The following ELOVL2 variants were observed in gnomAD, a reference collection of about 807,000 sequenced individuals.
ELOVL2 encodes the protein ELOVL fatty acid elongase 2, also known as very long chain fatty acid elongase 2.
In ELOVL2, 38 loss-of-function variants were observed where a neutral mutation model predicts 37.7. The ratio of observed to expected loss-of-function variants is 1.01; its 90% CI spans 0.78 to 1.32. The LOEUF is 1.32. ELOVL2 is among the 40% of genes most tolerant of loss of function. ELOVL2 has a pLI of 0.00. For missense variants in ELOVL2, 352 were observed against 363.6 expected (o/e 0.97, Z 0.26); for synonymous variants, 115 against 122.3 (o/e 0.94, Z 0.40).
intron 1 of ELOVL2, among the ~76,000 whole-genome samples, chr6:11,025,928 T>C (rs958712): frequency 0.21 from 32,124 of 152,140 alleles, 4,578 homozygotes; most frequent in East Asian, 0.63. Context: ...CTGTAAAAGA[T>C]TTATAGTCTT....
chr6:10,997,799 A>G (rs1302598330), intron 4 of ELOVL2, among the ~76,000 whole-genome samples: 1 of 152,192 alleles, frequency 6.6e-6, no homozygotes, highest in Non-Finnish European at 1.5e-5. Flanking sequence ...CTGATACTCA[A>G]ACTGAACAGT....
At chr6:11,026,704 A>G (rs1388804741) in intron 1 of ELOVL2, among the ~76,000 whole-genome samples, 2 of 152,184 alleles carry the variant, frequency 1.3e-5, no homozygotes, top group African/African-American at 4.8e-5. Context: ...ACCTCGTACT[A>G]AAAGGCCTCT....
At chr6:10,990,263 T>G in intron 6 of ELOVL2, 55 bp downstream of exon 6, 1 of 1,581,438 alleles carries the variant, frequency 6.3e-7, no homozygotes, top group Admixed American at 2.0e-5. Flanking sequence ...GATTTCTATT[T>G]CCTTTCCCCA....
rs1179096769 is a variant in ELOVL2 at position 10,982,606 on chromosome 6, T to A, written c.*1175A>T. The stretch of plus-strand genomic sequence containing the variant: ...TTAATACTTTTGTCTACTTTTGTGC[T>A]TGCTTCTCGGTAGAGATCGCATATA... On this transcript the variant is annotated 3_prime_UTR_variant, in exon 8 of 8. Transcript: ENST00000354666. 6.6e-6 allele frequency: 1 copy of A among 152,228 alleles called. No homozygotes were observed. The highest frequency in any genetic ancestry group is 1.5e-5 in the Non-Finnish European group (1 of 68,048). 9.4% of individuals were successfully genotyped at this position (152,228 alleles called of 1,614,324 possible). A position where few individuals can be genotyped will look rare whatever the true frequency, so the allele number is the denominator to read the frequency against.
chr6:11,002,290 T>C (rs890848371), intron 3 of ELOVL2, among the ~76,000 whole-genome samples: 2 of 152,220 alleles, frequency 1.3e-5, no homozygotes, highest in Admixed American at 1.3e-4. Context: ...AAGGTTGTGT[T>C]CTAGAATCTA....
intron 5 of ELOVL2, among the ~76,000 whole-genome samples, chr6:10,994,612 C>T (rs1312968417): frequency 6.6e-6 from 1 of 151,946 alleles, no homozygotes; most frequent in African/African-American, 2.4e-5. Context: ...AATGTGAAAA[C>T]AAGAAACCCT....
At position 11,044,152 on chromosome 6, in the gene ELOVL2, CT is replaced by C; in HGVS notation, c.3+75del. On this transcript the variant is annotated intron_variant, in intron 1 of 7. Coordinates refer to ENST00000354666, the MANE Select transcript of ELOVL2 (RefSeq NM_017770.4). This position sits in a 1 kb window ranked among gnomAD's most constrained non-coding sequence, Gnocchi z 5.6. ...CGCCCGCGCCGGCGCCCGCTCGGCCCTTTCCCGCCCGGTGCGTGGGTCCAGG... is the reference window on the plus strand; with the variant it reads ...CGCCCGCGCCGGCGCCCGCTCGGCCCTTCCCGCCCGGTGCGTGGGTCCAGG... The C allele has an allele frequency of 1.4e-6, 2 of 1,417,908 alleles. No homozygotes were observed. Among genetic ancestry groups the C allele is most frequent in the Admixed American group, 3.0e-5 (1 of 33,808 alleles). 87.8% of individuals were successfully genotyped at this position (1,417,908 alleles called of 1,614,324 possible). A position where few individuals can be genotyped will look rare whatever the true frequency, so the allele number is the denominator to read the frequency against.
intron 1 of ELOVL2, among the ~76,000 whole-genome samples, chr6:11,012,006 G>A (rs950324627): frequency 6.6e-6 from 1 of 152,186 alleles, no homozygotes; most frequent in African/African-American, 2.4e-5. Flanking sequence ...AAAAAAAGTT[G>A]TAAGTGCCAA....
intron 1 of ELOVL2, among the ~76,000 whole-genome samples, chr6:11,021,018 T>C (rs1450691779): frequency 1.3e-5 from 2 of 152,238 alleles, no homozygotes; most frequent in East Asian, 1.9e-4. Context: ...CAAGAGGAAC[T>C]AGCATTCTTA....
chr6:10,989,666 A>G (rs1174495838), intron 7 of ELOVL2, 37 bp downstream of exon 7: 1 of 1,589,518 alleles, frequency 6.3e-7, no homozygotes, highest in East Asian at 2.2e-5. Flanking sequence ...GTGCCAATCG[A>G]TTACATTTTA....
chr6:11,041,751 TAAAC>T (rs112054308), intron 1 of ELOVL2, among the ~76,000 whole-genome samples: 1,608 of 152,354 alleles, frequency 0.011, 29 homozygotes, highest in African/African-American at 0.036. Flanking sequence ...TAAATTTTAT[TAAAC>T]AATTTGTTTC....
chr6:11,005,601 C>A, intron 2 of ELOVL2, 42 bp from the exon 3 acceptor site: 1 of 1,536,198 alleles, frequency 6.5e-7, no homozygotes, highest in South Asian at 1.2e-5. Context: ...AGGAATGATG[C>A]TCCTGTTTAG....
intron 1 of ELOVL2, among the ~76,000 whole-genome samples, chr6:11,013,166 G>A (rs892366210): frequency 6.6e-6 from 1 of 152,224 alleles, no homozygotes; most frequent in African/African-American, 2.4e-5. Context: ...CTATCTGACA[G>A]AGAGAACCAC....
chr6:11,005,855 TTACTC>T (rs1233600655), intron 2 of ELOVL2, among the ~76,000 whole-genome samples: 2 of 152,196 alleles, frequency 1.3e-5, no homozygotes, highest in East Asian at 3.8e-4. Flanking sequence ...CTGCATTTAT[TTACTC>T]TAAATTAATA....
At chr6:11,003,620 G>GA (rs1292243167) in intron 3 of ELOVL2, among the ~76,000 whole-genome samples, 1 of 152,184 alleles carries the variant, frequency 6.6e-6, no homozygotes, top group Non-Finnish European at 1.5e-5. Flanking sequence ...GTCACTTATG[G>GA]AAAACAATCC....
intron 3 of ELOVL2, 68 bp downstream of exon 3, chr6:11,005,304 A>G (rs971237235): frequency 1.4e-6 from 2 of 1,381,972 alleles, no homozygotes; most frequent in African/African-American, 2.9e-5. Flanking sequence ...GCCAGGCTAG[A>G]TGTGGTTGTT....
At chr6:10,995,203 A>C in intron 4 of ELOVL2, 25 bp from the exon 5 acceptor site, 6 of 1,548,148 alleles carry the variant, frequency 3.9e-6, no homozygotes, top group Non-Finnish European at 5.3e-6. Flanking sequence ...AAAGGGGAGA[A>C]AAGGGTGAGA....
At chr6:10,989,916 C>G in intron 6 of ELOVL2, 79 bp from the exon 7 acceptor site, 1 of 1,516,624 alleles carries the variant, frequency 6.6e-7, no homozygotes, top group South Asian at 1.2e-5. Context: ...TTGATCAATT[C>G]AGAAATCAAC....
chr6:11,016,806 C>G (rs992871398), intron 1 of ELOVL2, among the ~76,000 whole-genome samples: 11 of 152,184 alleles, frequency 7.2e-5, no homozygotes, highest in Non-Finnish European at 1.5e-4. Flanking sequence ...GTGAATGAAA[C>G]TAGGTTTACA....
Sources: allele counts gnomAD v4.1 joint callset (sites outside exome capture counted in the v4.1 genomes callset), GRCh38; gene constraint gnomAD v4.1.1; non-coding constraint Gnocchi (gnomAD v3.1); transcripts MANE v1.5; gene names NCBI Gene and HGNC (gene_info 2026-07-23, HGNC 2026-07-21).